The following ABI3BP variants were observed in gnomAD, a reference collection of about 807,000 sequenced individuals.
ABI3BP encodes the protein target of Nesh-SH3.
A neutral mutation model predicts 268.6 loss-of-function variants in ABI3BP; 216 were observed. The observed-to-expected ratio is 0.80, with a 90% CI of 0.72 to 0.90. The LOEUF (loss-of-function observed/expected upper bound fraction) is 0.90, where lower values mean the gene tolerates loss of function less well. Ranked by LOEUF, ABI3BP falls within the 40% of genes least tolerant of loss-of-function variation. The probability of loss-of-function intolerance (pLI) is 0.00; values close to 1 mark genes in which losing one functional copy is unlikely to be tolerated. For synonymous variants in ABI3BP, 730 were observed against 730.0 expected, an observed-to-expected ratio of 1.00 and a Z score of 0.00; for missense variants, 2,090 against 2,182.4, an observed-to-expected ratio of 0.96 and a Z score of 0.84.
chr3:100,865,450 T>C (rs2099040643), intron 10 of ABI3BP, among the ~76,000 whole-genome samples: 1 of 152,206 alleles, frequency 6.6e-6, no homozygotes, highest in African/African-American at 2.4e-5. Context: ...AGAATTTAAA[T>C]GCTCAGCCAC....
At chr3:100,816,322 T>G in intron 43 of ABI3BP, 1 of 439,392 alleles carries the variant, frequency 2.3e-6, no homozygotes, top group Non-Finnish European at 4.1e-6. Context: ...CTTGTTGCTT[T>G]TCTTGGAAGT....
At chr3:100,983,500 C>A (rs2090535827) in intron 1 of ABI3BP, among the ~76,000 whole-genome samples, 1 of 152,142 alleles carries the variant, frequency 6.6e-6, no homozygotes, top group South Asian at 2.1e-4. Context: ...CATTTGAATT[C>A]ATTTTTCTTC....
chr3:100,840,850 T>C lies in ABI3BP; in HGVS notation c.1774A>G (p.Thr592Ala), dbSNP rs972799068. Residue 592 changes from threonine (T) to alanine (A), a missense_variant, in exon 22 of 68, where the codon ACA (threonine) becomes GCA (alanine). Physicochemically the swap from Thr to Ala is moderately conservative, Grantham distance 58. Transcript: ENST00000471714. The part of the protein sequence containing the change: ...LPSQSTIGPE[T>A]PGTKPSTTLA... The stretch of plus-strand genomic sequence containing the variant: ...GTTGTTGAAGGTTTGGTTCCTGGTG[T>C]TTCAGGTCCTAAGACAATGTGAAAA... 4 of 1,535,126 alleles carry C rather than the reference T, an allele frequency of 2.6e-6. No homozygotes were observed. The African/African-American group carries it at 5.5e-5, about 21-fold the overall frequency.
chr3:100,759,579 T>G (rs1023825107), intron 63 of ABI3BP, among the ~76,000 whole-genome samples: 7 of 152,206 alleles, frequency 4.6e-5, no homozygotes, highest in African/African-American at 1.7e-4. Context: ...ATTCCAGAGT[T>G]GGGCTGTACT....
chr3:100,870,790 C>T (rs758980794), intron 9 of ABI3BP, among the ~76,000 whole-genome samples: 23 of 152,104 alleles, frequency 1.5e-4, no homozygotes, highest in African/African-American at 4.8e-5. Context: ...GATATGGAAA[C>T]GACTTAAATG....
chr3:100,840,302 A>G (rs898375611), intron 22 of ABI3BP, 138 bp from the exon 23 acceptor site: 9 of 660,250 alleles, frequency 1.4e-5, no homozygotes, highest in African/African-American at 1.1e-4. Context: ...GCAAACTTCT[A>G]TCATTATTTA....
intron 55 of ABI3BP, 96 bp downstream of exon 55, chr3:100,792,595 C>T (rs2097225780): frequency 6.5e-6 from 8 of 1,226,880 alleles, no homozygotes; most frequent in South Asian, 2.6e-5. Flanking sequence ...TCAAGTAATC[C>T]ACTGTGTTGA....
chr3:100,813,192 T>C (rs914663259), intron 45 of ABI3BP, among the ~76,000 whole-genome samples: 1 of 152,166 alleles, frequency 6.6e-6, no homozygotes, highest in Admixed American at 6.5e-5. Flanking sequence ...ATTTACAAGC[T>C]TGAAGGGCAG....
intron 1 of ABI3BP, among the ~76,000 whole-genome samples, chr3:100,975,938 C>A (rs956710741): frequency 1.3e-5 from 2 of 152,236 alleles, no homozygotes; most frequent in Non-Finnish European, 2.9e-5. Context: ...CCTGACTGGC[C>A]GAGGAACTGG....
chr3:100,963,910 A>T (rs1437607101), intron 1 of ABI3BP, among the ~76,000 whole-genome samples: 2 of 152,144 alleles, frequency 1.3e-5, no homozygotes, highest in African/African-American at 4.8e-5. Context: ...TTTCTTATAA[A>T]AGCCTCCTCT....
At chr3:100,772,530 C>T (rs915496299) in intron 61 of ABI3BP, among the ~76,000 whole-genome samples, 10 of 152,068 alleles carry the variant, frequency 6.6e-5, no homozygotes, top group African/African-American at 1.7e-4. Context: ...TATCACTAGA[C>T]GGCAGATTGT....
chr3:100,983,396 C>T (rs985451976), intron 1 of ABI3BP, among the ~76,000 whole-genome samples: 2 of 152,124 alleles, frequency 1.3e-5, no homozygotes, highest in African/African-American at 2.4e-5. Context: ...TTATATAACC[C>T]GTACTTTCTG....
intron 1 of ABI3BP, among the ~76,000 whole-genome samples, chr3:100,955,397 T>C (rs1166480317): frequency 2.0e-5 from 3 of 152,244 alleles, no homozygotes; most frequent in Admixed American, 2.0e-4. Flanking sequence ...AACATGTTCA[T>C]TGGGACTATT....
At chr3:100,810,595 G>T in intron 48 of ABI3BP, 118 bp from the exon 49 acceptor site, 1 of 669,854 alleles carries the variant, frequency 1.5e-6, no homozygotes, top group Non-Finnish European at 2.4e-6. Flanking sequence ...TTGCAAGTCT[G>T]CAGCAAAACA....
intron 58 of ABI3BP, among the ~76,000 whole-genome samples, chr3:100,779,274 T>C (rs1344686153): frequency 6.6e-6 from 1 of 152,192 alleles, no homozygotes; most frequent in Non-Finnish European, 1.5e-5. Flanking sequence ...ACAAAGACAC[T>C]TGGCCCAGGA....
intron 6 of ABI3BP, among the ~76,000 whole-genome samples, chr3:100,880,696 C>G (rs2099219536): frequency 1.3e-5 from 2 of 152,014 alleles, no homozygotes; most frequent in East Asian, 1.9e-4. Context: ...TTAGAAATAC[C>G]CACAGTAGCA....
chr3:100,955,462 T>C (rs1339541071), intron 1 of ABI3BP, among the ~76,000 whole-genome samples: 1 of 152,088 alleles, frequency 6.6e-6, no homozygotes, highest in Non-Finnish European at 1.5e-5. Context: ...AACTATTAAA[T>C]ATAGTGGCAG....
chr3:100,773,343 T>A (rs151146330), intron 61 of ABI3BP, among the ~76,000 whole-genome samples: 150 of 152,224 alleles, frequency 9.9e-4, no homozygotes, highest in Middle Eastern at 3.4e-3. Flanking sequence ...GATATATAGA[T>A]GGCAAATAAG....
intron 1 of ABI3BP, among the ~76,000 whole-genome samples, chr3:100,966,952 T>TC (rs1225286611): frequency 3.9e-5 from 6 of 152,176 alleles, no homozygotes; most frequent in South Asian, 2.1e-4. Flanking sequence ...TTTTTTTTTT[T>TC]CAAACTAAAG....
Sources: gnomAD v4.1 joint callset for allele counts (sites outside exome capture counted in the v4.1 genomes callset) on GRCh38, gnomAD v4.1.1 for gene constraint, MANE v1.5 for transcripts, NCBI Gene and HGNC (gene_info 2026-07-23, HGNC 2026-07-21) for gene names.